Variants in ATP8A2 observed in about 807,000 individuals in gnomAD.
ATP8A2 encodes ATPase phospholipid transporting 8A2.
A neutral mutation model predicts 165.6 loss-of-function variants in ATP8A2; 100 were observed. The observed-to-expected ratio is 0.60, with a 90% confidence interval of 0.51 to 0.71. The LOEUF is 0.71. Ranked by LOEUF, ATP8A2 falls within the 30% of genes least tolerant of loss-of-function variation. The pLI is 0.00. For missense variants in ATP8A2, 1,227 were observed against 1,479.5 expected (o/e 0.83, Z 2.80); for synonymous variants, 543 against 548.8 (o/e 0.99, Z 0.15).
At chr13:25,931,528 C>A (rs191865874) in intron 33 of ATP8A2, among the ~76,000 whole-genome samples, 30 of 152,308 alleles carry the variant, frequency 2.0e-4, no homozygotes, top group African/African-American at 6.5e-4. Flanking sequence ...CCCCACCCCC[C>A]TCGACTGACG....
chr13:25,490,717 A>C (rs1010737432), intron 2 of ATP8A2, among the ~76,000 whole-genome samples: 2 of 21,128 alleles, frequency 9.5e-5, no homozygotes, highest in African/African-American at 2.1e-4. Flanking sequence ...ACTACTAATT[A>C]GTTTTTTTGT....
chr13:25,679,577 T>C (rs2042440730), intron 24 of ATP8A2, among the ~76,000 whole-genome samples: 1 of 152,214 alleles, frequency 6.6e-6, no homozygotes, highest in Non-Finnish European at 1.5e-5. Context: ...TCACATACTT[T>C]CAATTCTTGG....
At chr13:25,810,589 A>G (rs964381274) in intron 27 of ATP8A2, among the ~76,000 whole-genome samples, 2 of 152,196 alleles carry the variant, frequency 1.3e-5, no homozygotes, top group Non-Finnish European at 2.9e-5. Context: ...TTTAATAAAA[A>G]TAAATTGAAT....
intron 25 of ATP8A2, among the ~76,000 whole-genome samples, chr13:25,741,965 C>A (rs983126492): frequency 1.3e-5 from 2 of 152,178 alleles, no homozygotes; most frequent in Non-Finnish European, 2.9e-5. Flanking sequence ...GATGAAAATT[C>A]CAGCAACCTT....
Position 26,021,622 on chromosome 13 carries a change from G to A in ATP8A2, c.*1637G>A, listed in dbSNP as rs1566360897. The A allele has an allele frequency of 6.6e-6, 1 of 152,234 alleles. No individual in the cohort carries two copies. Among genetic ancestry groups the A allele is most frequent in the Non-Finnish European group, 1.5e-5 (1 of 68,058 alleles). The allele number at this position is 152,234 out of a possible 1,614,324, so 9.4% of individuals were successfully genotyped here. On this transcript the variant is annotated 3_prime_UTR_variant, in exon 37 of 37. Coordinates refer to ENST00000381655, the MANE Select transcript of ATP8A2 (RefSeq NM_016529.6). ...GCCCTTACTAAACAACCTGCCTGGAGCCCTGTTCTCTGCTCTGGTTGCCAA... is the reference window on the plus strand; with the variant it reads ...GCCCTTACTAAACAACCTGCCTGGAACCCTGTTCTCTGCTCTGGTTGCCAA...
intron 25 of ATP8A2, among the ~76,000 whole-genome samples, chr13:25,721,544 G>A (rs1004977756): frequency 1.3e-5 from 2 of 152,176 alleles, no homozygotes; most frequent in Non-Finnish European, 2.9e-5. Flanking sequence ...ATAGGCCCGA[G>A]TATGTACAGC....
At chr13:25,531,196 T>C (rs1005903845) in intron 4 of ATP8A2, among the ~76,000 whole-genome samples, 1 of 141,424 alleles carries the variant, frequency 7.1e-6, no homozygotes, top group South Asian at 2.1e-4. Flanking sequence ...TTATATATGT[T>C]ATATATGATA....
intron 27 of ATP8A2, among the ~76,000 whole-genome samples, chr13:25,819,714 C>A (rs995090105): frequency 6.6e-6 from 1 of 151,076 alleles, no homozygotes; most frequent in Admixed American, 6.6e-5. Context: ...TACTGCAAAA[C>A]AAGATGGGTT....
At chr13:25,702,080 T>G (rs79350545) in intron 25 of ATP8A2, among the ~76,000 whole-genome samples, 5 of 152,220 alleles carry the variant, frequency 3.3e-5, no homozygotes, top group South Asian at 4.1e-4. Context: ...CATTGAAAAT[T>G]TAAACTTAAG....
At chr13:25,397,861 T>C (rs1313522798) in intron 1 of ATP8A2, among the ~76,000 whole-genome samples, 1 of 152,152 alleles carries the variant, frequency 6.6e-6, no homozygotes, top group Non-Finnish European at 1.5e-5. Context: ...GGCTTCCAAG[T>C]CATAGGTGGA....
At chr13:25,598,215 A>G (rs2040289033) in intron 24 of ATP8A2, among the ~76,000 whole-genome samples, 1 of 152,148 alleles carries the variant, frequency 6.6e-6, no homozygotes, top group African/African-American at 2.4e-5. Flanking sequence ...AATTTATTGC[A>G]TTTGTGTATG....
At chr13:25,737,162 A>C (rs982382551) in intron 25 of ATP8A2, among the ~76,000 whole-genome samples, 18 of 152,196 alleles carry the variant, frequency 1.2e-4, no homozygotes, top group African/African-American at 1.7e-4. Flanking sequence ...TTCAGAGATC[A>C]TAACTCTGCA....
intron 15 of ATP8A2, among the ~76,000 whole-genome samples, chr13:25,560,287 C>G (rs533678514): frequency 6.6e-6 from 1 of 152,116 alleles, no homozygotes; most frequent in South Asian, 2.1e-4. Context: ...ATTGACTGCC[C>G]TTGGTTCAGT....
At chr13:25,378,583 C>G (rs188281941) in intron 1 of ATP8A2, among the ~76,000 whole-genome samples, 2 of 152,308 alleles carry the variant, frequency 1.3e-5, no homozygotes, top group East Asian at 3.9e-4. Context: ...GTTCTCACTT[C>G]AGAGTTGGTT....
At chr13:25,510,253 AT>A (rs1332457135) in intron 2 of ATP8A2, among the ~76,000 whole-genome samples, 1 of 151,672 alleles carries the variant, frequency 6.6e-6, no homozygotes, top group Non-Finnish European at 1.5e-5. Flanking sequence ...TGGATTACAG[AT>A]TGTACACTTT....
At chr13:26,007,674 T>A (rs1956769941) in intron 35 of ATP8A2, among the ~76,000 whole-genome samples, 1 of 152,088 alleles carries the variant, frequency 6.6e-6, no homozygotes, top group Non-Finnish European at 1.5e-5. Context: ...AAAACATAAC[T>A]AAGCTCAAAA....
chr13:25,985,544 G>A (rs1033875774), intron 35 of ATP8A2, among the ~76,000 whole-genome samples: 1 of 152,212 alleles, frequency 6.6e-6, no homozygotes, highest in South Asian at 2.1e-4. Flanking sequence ...TCCCGCTGGG[G>A]GGCAGTCATG....
At chr13:25,950,432 T>G (rs1955325086) in intron 33 of ATP8A2, among the ~76,000 whole-genome samples, 1 of 152,188 alleles carries the variant, frequency 6.6e-6, no homozygotes, top group Non-Finnish European at 1.5e-5. Flanking sequence ...GGTAATAATT[T>G]GAGGGAGTCA....
intron 25 of ATP8A2, among the ~76,000 whole-genome samples, chr13:25,727,308 T>C (rs2043515087): frequency 6.6e-6 from 1 of 152,216 alleles, no homozygotes; most frequent in African/African-American, 2.4e-5. Flanking sequence ...TTAGAGAGTT[T>C]TTTGGGGTTG....
Sources: gnomAD v4.1 joint callset for allele counts (sites outside exome capture counted in the v4.1 genomes callset) on GRCh38, gnomAD v4.1.1 for gene constraint, MANE v1.5 for transcripts, NCBI Gene and HGNC (gene_info 2026-07-23, HGNC 2026-07-21) for gene names.